Variants in SYT6 observed in about 807,000 individuals in gnomAD.
SYT6 encodes the protein synaptotagmin-6.
Under a neutral mutation model 38.4 loss-of-function variants are expected in SYT6, and 24 were observed. That is an observed-to-expected ratio of 0.62 (90% CI 0.45 to 0.88). The LOEUF (loss-of-function observed/expected upper bound fraction) is 0.88. SYT6 is among the 40% of genes least tolerant of loss of function. The pLI, the probability that SYT6 is intolerant of heterozygous loss-of-function variation, is 0.00. For missense variants in SYT6, 611 were observed against 621.0 expected (o/e 0.98, Z 0.17); for synonymous variants, 265 against 241.9 (o/e 1.10, Z -0.89).
chr1:114,123,080 C>T (rs1189981876), intron 3 of SYT6, among the ~76,000 whole-genome samples: 2 of 152,146 alleles, frequency 1.3e-5, no homozygotes, highest in South Asian at 4.1e-4. Context: ...CAGCTAGTTC[C>T]TCTGATGTAT....
Position 114,103,606 on chromosome 1 carries a change from T to C in SYT6, c.1187A>G (p.Tyr396Cys), listed in dbSNP as rs370807848. ...ACTTGGGTTAAGAGAGGTACCTGAA[T>C]AGCCTGTGATGTCCATCGCCTTGAG... The part of the protein sequence containing the change: ...RNLKAMDITG[Y>C]SDPYVKVSLL... The change falls in exon 4 of 8, where the codon TAT becomes TGT. Residue 396 changes from tyrosine to cysteine, a missense_variant. Physicochemically the swap from Tyr to Cys is radical, Grantham distance 194. Transcript: ENST00000610222. 2.5e-6 allele frequency: 4 copies of C among 1,614,172 alleles called. No individual in the cohort carries two copies. The highest frequency in any genetic ancestry group is 3.4e-6 in the Non-Finnish European group (4 of 1,180,010).
chr1:114,131,366 G>A (rs1351448099), intron 3 of SYT6, among the ~76,000 whole-genome samples: 1 of 152,156 alleles, frequency 6.6e-6, no homozygotes, highest in Non-Finnish European at 1.5e-5. Context: ...CTTTTATCAT[G>A]CTCTGTCCTT....
At chr1:114,121,168 C>T (rs1677379051) in intron 3 of SYT6, among the ~76,000 whole-genome samples, 1 of 152,232 alleles carries the variant, frequency 6.6e-6, no homozygotes, top group South Asian at 2.1e-4. Context: ...CATGGCCCCT[C>T]CTACTCCTAA....
At chr1:114,133,836 G>T (rs1678312832) in intron 3 of SYT6, among the ~76,000 whole-genome samples, 1 of 152,202 alleles carries the variant, frequency 6.6e-6, no homozygotes, top group Admixed American at 6.5e-5. Context: ...TGTCCCTTGA[G>T]GCTTAAGATT....
Position 114,136,098 on chromosome 1 carries a change from T to G in SYT6, c.1071+1397A>C, listed in dbSNP as rs538998071. Among the ~76,000 whole-genome samples the G allele has an allele frequency of 5.3e-5, 8 of 152,278 alleles. No individual in the cohort carries two copies. The South Asian group carries it at 1.7e-3, about 32-fold the overall frequency. ...AAAGGTGGGGGAGGTACTGAGCCATTGGGCTGGACTGGTCAAAGTCAGCAC... is the reference window on the plus strand; with the variant it reads ...AAAGGTGGGGGAGGTACTGAGCCATGGGGCTGGACTGGTCAAAGTCAGCAC... On this transcript the variant is annotated intron_variant, in intron 3 of 7. Coordinates refer to ENST00000610222, the MANE Select transcript of SYT6 (RefSeq NM_001253772.2).
Position 114,137,612 on chromosome 1 carries a change from G to A in SYT6, c.954C>T (p.Asp318=), listed in dbSNP as rs376972292. 7.4e-6 allele frequency: 12 copies of A among 1,614,236 alleles called. No individual in the cohort carries two copies. The highest frequency in any genetic ancestry group is 1.0e-5 in the Non-Finnish European group (12 of 1,180,042). ...ADRKLHLSVF[D]FDRFSRHDMI... is the part of the protein sequence containing the mutation. ...TGTCATGGCGGGAGAAGCGGTCAAAGTCGAAGACACTGAGATGCAGCTTGC... is the reference window on the plus strand; with the variant it reads ...TGTCATGGCGGGAGAAGCGGTCAAAATCGAAGACACTGAGATGCAGCTTGC... The change falls in exon 3 of 8, where the codon GAC becomes GAT. Residue 318 remains aspartate, a synonymous_variant. Transcript: ENST00000610222.
At chr1:114,138,113 A>G in intron 2 of SYT6, 60 bp from the exon 3 acceptor site, 1 of 1,510,328 alleles carries the variant, frequency 6.6e-7, no homozygotes, top group Non-Finnish European at 8.9e-7. Context: ...AAGGGGGATG[A>G]AGGCAAACAC....
Position 114,122,809 on chromosome 1 carries a change from CT to C in SYT6, c.1071+14685del, listed in dbSNP as rs367608993. Among the ~76,000 whole-genome samples, 204 of 152,270 alleles carry C rather than the reference CT, an allele frequency of 1.3e-3. 1 individual carries two copies. The highest frequency in any genetic ancestry group is 4.5e-3 in the African/African-American group (188 of 41,548). On this transcript the variant is annotated intron_variant, in intron 3 of 7. Coordinates refer to ENST00000610222, the MANE Select transcript of SYT6 (RefSeq NM_001253772.2). The stretch of plus-strand genomic sequence containing the variant: ...AGGCCTTCACTGCCAGCCTTTCCCC[CT>C]GGCCTCTTTTTCTCCACAAACCTAC...
At chr1:114,153,138 G>T (rs1679535545) in intron 1 of SYT6, among the ~76,000 whole-genome samples, 2 of 152,106 alleles carry the variant, frequency 1.3e-5, no homozygotes, top group Non-Finnish European at 2.9e-5. Flanking sequence ...GGGTCCGCCC[G>T]CGTTCACCGC....
intron 3 of SYT6, among the ~76,000 whole-genome samples, chr1:114,112,024 C>T (rs996912361): frequency 1.3e-5 from 2 of 152,122 alleles, no homozygotes; most frequent in Admixed American, 6.5e-5. Context: ...TTGTGACGCT[C>T]GGGGCTTCCT....
intron 3 of SYT6, among the ~76,000 whole-genome samples, chr1:114,137,152 G>A (rs529200024): frequency 5.1e-4 from 77 of 152,356 alleles, no homozygotes; most frequent in Non-Finnish European, 8.8e-4. Context: ...CTGCAGCATA[G>A]CCTAGTTCAG....
At chr1:114,151,594 A>G (rs1234147675) in intron 1 of SYT6, among the ~76,000 whole-genome samples, 2 of 152,070 alleles carry the variant, frequency 1.3e-5, no homozygotes, top group Non-Finnish European at 2.9e-5. Context: ...TCTGCCCTGA[A>G]CAGACAGGAG....
intron 1 of SYT6, chr1:114,152,565 G>C (rs1026589308): frequency 9.2e-5 from 14 of 152,278 alleles, no homozygotes; most frequent in African/African-American, 3.4e-4. Context: ...TCGGGACAAA[G>C]AAGCCCCGCG....
At chr1:114,101,545 G>A (rs1378336071) in intron 4 of SYT6, among the ~76,000 whole-genome samples, 2 of 152,204 alleles carry the variant, frequency 1.3e-5, no homozygotes, top group Non-Finnish European at 2.9e-5. Context: ...TAGCAGATAG[G>A]CTTAGAGAAT....
intron 4 of SYT6, among the ~76,000 whole-genome samples, chr1:114,102,621 A>G (rs1316776277): frequency 6.6e-6 from 1 of 152,012 alleles, no homozygotes; most frequent in Non-Finnish European, 1.5e-5. Context: ...AGCAAATATG[A>G]GGAAAAATCT....
chr1:114,128,416 C>T (rs974733544), intron 3 of SYT6, among the ~76,000 whole-genome samples: 5 of 152,222 alleles, frequency 3.3e-5, no homozygotes, highest in African/African-American at 1.2e-4. Context: ...GTCCCAGCCC[C>T]AACTTTTCCC....
intron 3 of SYT6, among the ~76,000 whole-genome samples, chr1:114,122,916 T>C (rs12046605): frequency 0.37 from 56,441 of 151,836 alleles, 10,587 homozygotes; most frequent in East Asian, 0.57. Flanking sequence ...AATCCCCTAC[T>C]TTCAAAATGC....
At chr1:114,118,233 G>A (rs770927950) in intron 3 of SYT6, among the ~76,000 whole-genome samples, 26 of 152,232 alleles carry the variant, frequency 1.7e-4, no homozygotes, top group African/African-American at 5.5e-4. Context: ...ATGATAAAGC[G>A]CCAAATTAGC....
At chr1:114,143,365 CAT>C (rs1678973502) in intron 1 of SYT6, among the ~76,000 whole-genome samples, 1 of 148,178 alleles carries the variant, frequency 6.7e-6, no homozygotes, top group South Asian at 2.1e-4. Flanking sequence ...GTTTTAGATA[CAT>C]ATATGTATAT....
Sources: allele counts gnomAD v4.1 joint callset (sites outside exome capture counted in the v4.1 genomes callset), GRCh38; gene constraint gnomAD v4.1.1; transcripts MANE v1.5; gene names NCBI Gene and HGNC (gene_info 2026-07-23, HGNC 2026-07-21).